The following CACNA1E variants were observed in gnomAD, a reference collection of about 807,000 sequenced individuals.
The protein encoded by CACNA1E is calcium voltage-gated channel subunit alpha1 E.
Under a neutral mutation model 259.2 loss-of-function variants are expected in CACNA1E, and 40 were observed. That is an observed-to-expected ratio of 0.15 (90% CI 0.12 to 0.20). CACNA1E has a LOEUF of 0.20. Among genes scored for constraint, CACNA1E ranks in the 10% least tolerant of loss-of-function variants. The pLI, the probability that CACNA1E is intolerant of heterozygous loss-of-function variation, is 1.00. For missense variants in CACNA1E, 1,874 were observed against 3,040.1 expected (o/e 0.62, Z 9.02); for synonymous variants, 1,104 against 1,138.5 (o/e 0.97, Z 0.61).
intron 3 of CACNA1E, among the ~76,000 whole-genome samples, chr1:181,562,389 T>G (rs916256610): frequency 6.6e-6 from 1 of 152,080 alleles, no homozygotes; most frequent in African/African-American, 2.4e-5. Flanking sequence ...CTATGGAACT[T>G]TTTTTCATAT....
chr1:181,348,004 CT>C (rs2102658075), intron 1 of CACNA1E, among the ~76,000 whole-genome samples: 3 of 152,380 alleles, frequency 2.0e-5, no homozygotes, highest in African/African-American at 7.2e-5. Flanking sequence ...ACAAAGGATC[CT>C]CTCTGGGAGT....
In CACNA1E at chr1:181,466,381, T is replaced by TAA. The variant is rs35383451; in HGVS notation, c.435-17349_435-17348dup. ...AACATGGCAAAACCATATTTCTACT[T>TAA]AAAAAAAAAAAAAAATTAAGCCTTG... is the stretch of plus-strand genomic sequence containing the variant. On this transcript the variant is annotated intron_variant, in intron 2 of 11. Coordinates refer to the CACNA1E transcript ENST00000524607. Among the ~76,000 whole-genome samples the TAA allele has an allele frequency of 4.8e-4, 70 of 145,312 alleles. 1 individual carries two copies. The South Asian group carries it at 0.014, about 30-fold the overall frequency.
chr1:181,579,012 TC>T, intron 4 of CACNA1E, 59 bp from the exon 5 acceptor site: 1 of 1,393,072 alleles, frequency 7.2e-7, no homozygotes, highest in East Asian at 2.4e-5. Flanking sequence ...AAACTAATCC[TC>T]CCCTATCAGA....
intron 3 of CACNA1E, among the ~76,000 whole-genome samples, chr1:181,538,078 TTCTG>T (rs1181353272): frequency 1.3e-5 from 2 of 152,220 alleles, no homozygotes; most frequent in African/African-American, 4.8e-5. Context: ...TTCTAGTGTT[TTCTG>T]TCTTAGTGTT....
chr1:181,771,437 G>T, intron 36 of CACNA1E, 53 bp downstream of exon 36: 2 of 920,972 alleles, frequency 2.2e-6, no homozygotes, highest in Non-Finnish European at 3.5e-6. Context: ...GAGGGAGAGA[G>T]AGTTTGTCTG....
At chr1:181,682,730 C>A (rs1650102157) in intron 7 of CACNA1E, among the ~76,000 whole-genome samples, 1 of 152,222 alleles carries the variant, frequency 6.6e-6, no homozygotes, top group South Asian at 2.1e-4. Context: ...GCACGTCTTA[C>A]ATGGCAGGAG....
At chr1:181,528,565 C>G (rs967560430) in intron 3 of CACNA1E, among the ~76,000 whole-genome samples, 12 of 152,148 alleles carry the variant, frequency 7.9e-5, no homozygotes, top group African/African-American at 2.9e-4. Flanking sequence ...TTTGGAATCT[C>G]TTAGAGACTT....
chr1:181,700,151 A>G (rs933761356), intron 7 of CACNA1E, among the ~76,000 whole-genome samples: 3 of 152,134 alleles, frequency 2.0e-5, no homozygotes, highest in African/African-American at 7.2e-5. Context: ...AAGGAGATTG[A>G]GAAGAATCAA....
rs1656159822 is a variant in CACNA1E, at chr1:181,737,534, G to A, written c.3432G>A (p.Arg1144=). 4 of 1,613,728 alleles carry A rather than the reference G, an allele frequency of 2.5e-6. No homozygotes were observed. In the African/African-American group the frequency reaches 5.3e-5, roughly 22 times the overall value. Residue 1144 remains arginine (R), a synonymous_variant, in exon 23 of 48, where the codon AGG becomes AGA. Transcript: ENST00000367573. ...FIFSTTNPIR[R]ACHYIVNLRY... is the part of the protein sequence containing the mutation. Reference sequence around the variant, plus strand: ...TGCCCACTGCCCGCAGGATCCGGAGGGCCTGCCACTACATCGTGAACCTGC... The same window carrying A: ...TGCCCACTGCCCGCAGGATCCGGAGAGCCTGCCACTACATCGTGAACCTGC...
At chr1:181,554,314 T>G (rs982345113) in intron 3 of CACNA1E, among the ~76,000 whole-genome samples, 3 of 152,218 alleles carry the variant, frequency 2.0e-5, no homozygotes, top group African/African-American at 7.2e-5. Context: ...GCGCCCAGCC[T>G]GAATTTAGTT....
At chr1:181,448,567 G>A (rs1553252839) in intron 2 of CACNA1E, among the ~76,000 whole-genome samples, 1 of 152,182 alleles carries the variant, frequency 6.6e-6, no homozygotes, top group Non-Finnish European at 1.5e-5. Context: ...GTTCGTTATA[G>A]TCTGTTTGAA....
chr1:181,535,483 C>T (rs1240722584), intron 3 of CACNA1E, among the ~76,000 whole-genome samples: 1 of 151,826 alleles, frequency 6.6e-6, no homozygotes, highest in Non-Finnish European at 1.5e-5. Flanking sequence ...TTTGATAAAA[C>T]TATAATGTGT....
intron 32 of CACNA1E, among the ~76,000 whole-genome samples, chr1:181,761,694 C>T (rs949341924): frequency 1.3e-5 from 2 of 152,086 alleles, no homozygotes; most frequent in Non-Finnish European, 2.9e-5. Flanking sequence ...TTAAATGTCC[C>T]AGGGGCAGGC....
At chr1:181,580,559 T>C (rs1232444862) in intron 5 of CACNA1E, 36 bp from the exon 6 acceptor site, 1 of 1,594,414 alleles carries the variant, frequency 6.3e-7, no homozygotes, top group Non-Finnish European at 8.6e-7. Flanking sequence ...CGAAACACCA[T>C]GTGATTTATC....
At chr1:181,619,377 A>G (rs75410399) in intron 6 of CACNA1E, among the ~76,000 whole-genome samples, 108 of 152,264 alleles carry the variant, frequency 7.1e-4, no homozygotes, top group African/African-American at 2.5e-3. Flanking sequence ...GGGTGTCTAG[A>G]GAGGTCAGGG....
intron 7 of CACNA1E, among the ~76,000 whole-genome samples, chr1:181,682,523 C>T (rs1650079214): frequency 6.6e-6 from 1 of 152,264 alleles, no homozygotes; most frequent in Admixed American, 6.5e-5. Context: ...GCCTATATTT[C>T]CTCAATGGCT....
At chr1:181,600,615 A>G (rs1176582221) in intron 6 of CACNA1E, among the ~76,000 whole-genome samples, 1 of 152,150 alleles carries the variant, frequency 6.6e-6, no homozygotes. Context: ...CTTCAGCTAC[A>G]TTAATCTGTT....
chr1:181,320,524 A>G (rs1204813478), intron 1 of CACNA1E, among the ~76,000 whole-genome samples: 2 of 152,232 alleles, frequency 1.3e-5, no homozygotes, highest in East Asian at 3.8e-4. Flanking sequence ...ATTGTTAACC[A>G]ATCCTATTAA....
intron 6 of CACNA1E, among the ~76,000 whole-genome samples, chr1:181,614,517 A>C (rs937340898): frequency 1.3e-5 from 2 of 152,214 alleles, no homozygotes; most frequent in African/African-American, 4.8e-5. Flanking sequence ...TCACTCAGAG[A>C]TGATTATTGT....
Sources: allele counts gnomAD v4.1 joint callset (sites outside exome capture counted in the v4.1 genomes callset), GRCh38; gene constraint gnomAD v4.1.1; transcripts MANE v1.5; gene names NCBI Gene and HGNC (gene_info 2026-07-23, HGNC 2026-07-21).